Variants in PVT1 observed in about 807,000 individuals in gnomAD.
PVT1 encodes Pvt1 oncogene.
chr8:127,806,237 C>T (rs545180332), intron 2 of PVT1, among the ~76,000 whole-genome samples: 63 of 152,086 alleles, frequency 4.1e-4, no homozygotes, highest in South Asian at 2.9e-3. Context: ...CTGAGGCGGG[C>T]GGATCACAAG....
intron 4 of PVT1, among the ~76,000 whole-genome samples, chr8:128,052,969 CT>C (rs1438529496): frequency 6.6e-6 from 1 of 152,226 alleles, no homozygotes; most frequent in East Asian, 1.9e-4. Flanking sequence ...TATCTAACCA[CT>C]CTGCCAGACC....
At chr8:127,855,409 G>T (rs564884810) in intron 2 of PVT1, 10 of 389,992 alleles carry the variant, frequency 2.6e-5, no homozygotes, top group Non-Finnish European at 4.1e-5. Flanking sequence ...CCTTGTTGAC[G>T]CTGTAAAGTG....
intron 4 of PVT1, chr8:127,998,301 C>A (rs1378680711): frequency 3.3e-5 from 5 of 152,156 alleles, no homozygotes; most frequent in Non-Finnish European, 7.3e-5. Context: ...TTTTTTCTAC[C>A]TGGGAGATTT....
intron 2 of PVT1, among the ~76,000 whole-genome samples, chr8:127,813,673 C>T (rs547385878): frequency 6.6e-6 from 1 of 152,262 alleles, no homozygotes; most frequent in South Asian, 2.1e-4. Context: ...AATGGGAATA[C>T]AAATGGTCCC....
intron 2 of PVT1, among the ~76,000 whole-genome samples, chr8:127,883,880 G>T (rs536410698): frequency 6.6e-6 from 1 of 152,208 alleles, no homozygotes; most frequent in Non-Finnish European, 1.5e-5. Flanking sequence ...GCAGTGGGGC[G>T]TGAGAATACG....
intron 3 of PVT1, chr8:127,960,762 A>G: frequency 2.2e-6 from 1 of 454,774 alleles, no homozygotes; most frequent in Non-Finnish European, 4.5e-6. Flanking sequence ...GGGAGAGAGT[A>G]TTATTGTTTC....
chr8:127,805,930 G>A (rs1207249127), intron 2 of PVT1, among the ~76,000 whole-genome samples: 1 of 151,986 alleles, frequency 6.6e-6, no homozygotes, highest in African/African-American at 2.4e-5. Context: ...AGTGTTAGCA[G>A]AAAAGACAAG....
At chr8:127,834,289 T>C (rs1814884512) in intron 2 of PVT1, among the ~76,000 whole-genome samples, 2 of 152,040 alleles carry the variant, frequency 1.3e-5, no homozygotes, top group African/African-American at 4.8e-5. Context: ...CATCTGAACT[T>C]TGACAAACCT....
intron 2 of PVT1, among the ~76,000 whole-genome samples, chr8:127,819,458 G>C (rs1036888661): frequency 1.3e-5 from 2 of 152,182 alleles, no homozygotes; most frequent in Non-Finnish European, 2.9e-5. Context: ...TGTACAAACG[G>C]AGAAACTGAG....
At chr8:127,822,147 G>A (rs1047989028) in intron 2 of PVT1, among the ~76,000 whole-genome samples, 1 of 152,140 alleles carries the variant, frequency 6.6e-6, no homozygotes, top group Admixed American at 6.5e-5. Flanking sequence ...GCCTAGAATA[G>A]TGTCTGGCCC....
chr8:128,024,906 T>C (rs140879600), intron 4 of PVT1, among the ~76,000 whole-genome samples: 58 of 152,358 alleles, frequency 3.8e-4, no homozygotes, highest in African/African-American at 1.3e-3. Flanking sequence ...CTCGCTATGT[T>C]GACCAGGCTG....
intron 4 of PVT1, among the ~76,000 whole-genome samples, chr8:127,991,255 G>A (rs1354943292): frequency 6.7e-6 from 1 of 148,886 alleles, no homozygotes; most frequent in African/African-American, 2.5e-5. Context: ...CCATTCTCCT[G>A]CCTCAGCCTC....
chr8:127,905,395 C>T (rs971517286), intron 3 of PVT1, among the ~76,000 whole-genome samples: 6 of 152,186 alleles, frequency 3.9e-5, no homozygotes, highest in Admixed American at 2.0e-4. Flanking sequence ...GTTATGTCCA[C>T]GGGGAGCCTC....
intron 3 of PVT1, chr8:127,932,706 C>T (rs1428931109): frequency 1.6e-5 from 6 of 386,448 alleles, no homozygotes; most frequent in African/African-American, 4.1e-5. Flanking sequence ...ACATAATACA[C>T]GTTATATTTC....
intron 5 of PVT1, among the ~76,000 whole-genome samples, chr8:128,084,137 G>A (rs924234731): frequency 1.3e-5 from 2 of 152,070 alleles, no homozygotes; most frequent in East Asian, 1.9e-4. Flanking sequence ...TTAAAAATGT[G>A]AACCAAAGCA....
chr8:127,926,718 G>A (rs779112502), intron 3 of PVT1, among the ~76,000 whole-genome samples: 4 of 152,064 alleles, frequency 2.6e-5, no homozygotes, highest in Non-Finnish European at 5.9e-5. Flanking sequence ...ATCTGTCCCC[G>A]GGTGCCCACC....
intron 2 of PVT1, among the ~76,000 whole-genome samples, chr8:127,880,119 G>A (rs1815448631): frequency 6.6e-6 from 1 of 150,998 alleles, no homozygotes; most frequent in Non-Finnish European, 1.5e-5. Flanking sequence ...AAATGTCCTC[G>A]CTTATGGACA....
At chr8:127,869,928 C>T (rs756591912) in intron 2 of PVT1, among the ~76,000 whole-genome samples, 9 of 152,074 alleles carry the variant, frequency 5.9e-5, no homozygotes, top group African/African-American at 1.4e-4. Flanking sequence ...CTCAGCCGTC[C>T]GAGTAGCTGA....
chr8:127,857,983 G>A (rs959293136), intron 2 of PVT1, among the ~76,000 whole-genome samples: 1 of 152,216 alleles, frequency 6.6e-6, no homozygotes, highest in Non-Finnish European at 1.5e-5. Flanking sequence ...AGGAAATAAA[G>A]AGAATGGAGT....
Sources: gnomAD v4.1 joint callset for allele counts (sites outside exome capture counted in the v4.1 genomes callset) on GRCh38, gnomAD v4.1.1 for gene constraint, MANE v1.5 for transcripts, NCBI Gene and HGNC (gene_info 2026-07-23, HGNC 2026-07-21) for gene names.